Variants in PDPR observed in about 807,000 individuals in gnomAD.
PDPR encodes the protein pyruvate dehydrogenase phosphatase regulatory subunit, mitochondrial.
Under a neutral mutation model 102.2 loss-of-function variants are expected in PDPR, and 50 were observed. The observed-to-expected ratio is 0.49, with a 90% CI of 0.39 to 0.62. PDPR has a LOEUF of 0.62. PDPR is among the 20% of genes least tolerant of loss of function. The pLI, the probability that PDPR is intolerant of heterozygous loss-of-function variation, is 0.00. For synonymous variants in PDPR, 259 were observed against 406.0 expected (o/e 0.64, Z 4.35); for missense variants, 625 against 1,098.2 (o/e 0.57, Z 6.09).
chr16:70,148,451 T>C lies in PDPR; in HGVS notation c.1963-13T>C. 2 of 1,606,238 alleles carry C rather than the reference T, an allele frequency of 1.2e-6. No individual in the cohort carries two copies. Among genetic ancestry groups the C allele is most frequent in the South Asian group, 2.2e-5 (2 of 90,440 alleles). ...GTGAGTGCCCAGGCTGACTGCTGCCTTTGTCCCTGCAGGAGATGAGTGTGG... is the reference window on the plus strand; with the variant it reads ...GTGAGTGCCCAGGCTGACTGCTGCCCTTGTCCCTGCAGGAGATGAGTGTGG... On this transcript the variant is annotated splice_polypyrimidine_tract_variant and intron_variant, in intron 16 of 18. Transcript: ENST00000288050.
chr16:70,151,082 A>G (rs1015154618), intron 17 of PDPR, among the ~76,000 whole-genome samples: 3 of 152,190 alleles, frequency 2.0e-5, no homozygotes, highest in African/African-American at 7.2e-5. Flanking sequence ...CTACAGGCAC[A>G]CGCCACCACA....
intron 6 of PDPR, among the ~76,000 whole-genome samples, chr16:70,129,833 G>A (rs868647083): frequency 1.3e-5 from 2 of 152,400 alleles, no homozygotes; most frequent in Non-Finnish European, 2.9e-5. Context: ...AGCACTTAAG[G>A]CGCACTATTT....
intron 10 of PDPR, among the ~76,000 whole-genome samples, chr16:70,136,909 A>G (rs953697012): frequency 6.6e-6 from 1 of 152,140 alleles, no homozygotes; most frequent in African/African-American, 2.4e-5. Context: ...CATCTGGCTA[A>G]TTTTTCTATT....
intron 11 of PDPR, among the ~76,000 whole-genome samples, chr16:70,139,366 C>T (rs1325208610): frequency 2.6e-5 from 4 of 152,226 alleles, no homozygotes; most frequent in Admixed American, 2.0e-4. Flanking sequence ...TGCAGTCTGC[C>T]TTGAGAGACC....
intron 2 of PDPR, among the ~76,000 whole-genome samples, chr16:70,119,901 G>GT (rs111650841): frequency 7.4e-6 from 1 of 134,814 alleles, no homozygotes; most frequent in African/African-American, 3.6e-5. Flanking sequence ...TTCTTTTTTT[G>GT]TTTTTTTTTT....
chr16:70,127,034 G>C (rs1964047269), intron 3 of PDPR, among the ~76,000 whole-genome samples: 1 of 152,368 alleles, frequency 6.6e-6, no homozygotes, highest in Middle Eastern at 3.4e-3. Flanking sequence ...TGTTGGTAGA[G>C]ATGGGTTCTC....
intron 3 of PDPR, among the ~76,000 whole-genome samples, chr16:70,120,931 CT>C (rs71385643): frequency 0.04 from 4,073 of 101,868 alleles, 39 homozygotes; most frequent in African/African-American, 0.091. Context: ...TTTCGTTTTC[CT>C]TTTTTTTTTT....
intron 9 of PDPR, among the ~76,000 whole-genome samples, chr16:70,132,935 C>G (rs1035758697): frequency 1.3e-5 from 2 of 152,216 alleles, no homozygotes; most frequent in African/African-American, 4.8e-5. Context: ...ACATCAGCCT[C>G]CCAAGTAGCT....
chr16:70,153,361 T>C (rs1966845521), intron 17 of PDPR, 30 bp from the exon 18 acceptor site: 2 of 1,597,466 alleles, frequency 1.3e-6, no homozygotes, highest in Non-Finnish European at 1.7e-6. Flanking sequence ...GAAGGTCTGC[T>C]GCTTATGAAC....
chr16:70,154,155 C>CAAA (rs373174907), intron 18 of PDPR, among the ~76,000 whole-genome samples: 1 of 148,612 alleles, frequency 6.7e-6, no homozygotes, highest in Non-Finnish European at 1.5e-5. Flanking sequence ...GACTCCGTCT[C>CAAA]AAAAAAAAAA....
chr16:70,120,665 C>G lies in PDPR; in HGVS notation c.173C>G (p.Ala58Gly). The G allele has an allele frequency of 6.2e-7, 1 of 1,613,834 alleles. No homozygotes were observed. Among genetic ancestry groups the G allele is most frequent in the Non-Finnish European group, 8.5e-7 (1 of 1,179,772 alleles). ...GGTGGAATCACGGGCACTTCTGTGG[C>G]CTATCACCTCTCCAAAATGGGGTGG... ...CGGGITGTSV[A>G]YHLSKMGWKD... Residue 58 changes from alanine (A) to glycine (G), a missense_variant, in exon 3 of 19, where the codon GCC (alanine) becomes GGC (glycine). By Grantham distance (60) the Ala-to-Gly change is moderately conservative (BLOSUM62 0). Around this residue, in one of 11 missense-constraint regions of PDPR, gnomAD observed 84 missense variants for 87.7 expected, o/e 0.96. Coordinates refer to ENST00000288050, the MANE Select transcript of PDPR (RefSeq NM_017990.5).
At chr16:70,130,636 A>G (rs1198640870) in intron 7 of PDPR, 92 bp downstream of exon 7, 27 of 1,507,698 alleles carry the variant, frequency 1.8e-5, no homozygotes, top group Non-Finnish European at 2.4e-5. Context: ...GTGATTGGTT[A>G]TACAGATATC....
rs1967627595 is a variant in PDPR, at chr16:70,159,975, TAC to T, written c.*3098_*3099del. ...GTGAATGGGTGACTGGACTTGGCTT[TAC>T]AGAGTTGGGTGCTTTTTTCTCTCTG... On this transcript the variant is annotated 3_prime_UTR_variant, in exon 19 of 19. Coordinates refer to ENST00000288050, the MANE Select transcript of PDPR (RefSeq NM_017990.5). The T allele has an allele frequency of 6.5e-6, 1 of 153,262 alleles. No homozygotes were observed. The highest frequency in any genetic ancestry group is 1.5e-5 in the Non-Finnish European group (1 of 68,838). The allele number at this position is 153,262 out of a possible 1,614,324, so 9.5% of individuals were successfully genotyped here.
intron 17 of PDPR, among the ~76,000 whole-genome samples, chr16:70,150,012 G>A (rs1361304069): frequency 1.3e-5 from 2 of 151,844 alleles, no homozygotes; most frequent in Admixed American, 1.3e-4. Context: ...GAATGGTCTC[G>A]ATCTCCTACC....
At chr16:70,144,713 T>G (rs1249619927) in intron 15 of PDPR, among the ~76,000 whole-genome samples, 180 bp downstream of exon 15, 1 of 152,268 alleles carries the variant, frequency 6.6e-6, no homozygotes, top group Admixed American at 6.5e-5. Flanking sequence ...TCCCAGCACT[T>G]TTGGAGGCCG....
intron 13 of PDPR, among the ~76,000 whole-genome samples, 178 bp from the exon 14 acceptor site, chr16:70,143,332 A>C (rs1231112516): frequency 6.6e-6 from 1 of 152,294 alleles, no homozygotes; most frequent in African/African-American, 2.4e-5. Context: ...CCTGTTTATC[A>C]TAAGAATCAA....
At chr16:70,151,467 G>A (rs1382089045) in intron 17 of PDPR, among the ~76,000 whole-genome samples, 1 of 152,290 alleles carries the variant, frequency 6.6e-6, no homozygotes, top group African/African-American at 2.4e-5. Context: ...TCCACACTCA[G>A]AAGTATTACA....
At position 70,131,237 on chromosome 16, in the gene PDPR, G is replaced by A. The variant is rs137876664; in HGVS notation, c.730-65G>A. On this transcript the variant is annotated intron_variant, in intron 7 of 18. Transcript: ENST00000288050. Reference sequence around the variant, plus strand: ...AGCCACTTGGAATTAATCTCAAGAGGCTGAACTTGCTCATTTTTATTTCTG... The same window carrying A: ...AGCCACTTGGAATTAATCTCAAGAGACTGAACTTGCTCATTTTTATTTCTG... 51 of 1,164,278 alleles carry A rather than the reference G, an allele frequency of 4.4e-5. No individual in the cohort carries two copies. The East Asian group carries it at 1.2e-3, about 28-fold the overall frequency. 72.1% of individuals were successfully genotyped at this position (1,164,278 alleles called of 1,614,324 possible).
rs1425590095 is a variant in PDPR, at chr16:70,132,273, A to G, written c.970A>G (p.Asn324Asp). 1.9e-6 allele frequency: 3 copies of G among 1,613,998 alleles called. No homozygotes were observed. The highest frequency in any genetic ancestry group is 2.5e-6 in the Non-Finnish European group (3 of 1,179,838). Reference protein sequence around the residue: ...TEGKNQLEIQNLQEDWDHFEP... With the variant: ...TEGKNQLEIQDLQEDWDHFEP... ...GGGCAAGAACCAGCTGGAGATTCAG[A>G]ATCTACAGGAAGACTGGGATCACTT... is the stretch of plus-strand genomic sequence containing the variant. Residue 324 changes from asparagine (N) to aspartate (D), a missense_variant, in exon 9 of 19, where the codon AAT becomes GAT. Around this residue, in one of 11 missense-constraint regions of PDPR, gnomAD observed 50 missense variants for 79.9 expected, o/e 0.63. Transcript: ENST00000288050.
Sources: allele counts gnomAD v4.1 joint callset (sites outside exome capture counted in the v4.1 genomes callset), GRCh38; gene constraint gnomAD v4.1.1; regional missense constraint gnomAD v4.1.1; transcripts MANE v1.5; gene names NCBI Gene and HGNC (gene_info 2026-07-23, HGNC 2026-07-21).